APBB2: variants seen among roughly 807,000 people sequenced by gnomAD.
The protein encoded by APBB2 is amyloid beta precursor protein binding family B member 2, also known as Fe65-like 1.
In APBB2, 38 loss-of-function variants were observed where a neutral mutation model predicts 82.5. That is an observed-to-expected ratio of 0.46 (90% CI 0.36 to 0.60). The LOEUF (loss-of-function observed/expected upper bound fraction) is 0.60. Among genes scored for constraint, APBB2 ranks in the 20% least tolerant of loss-of-function variants. The pLI, the probability that APBB2 is intolerant of heterozygous loss-of-function variation, is 0.00. For missense variants in APBB2, 772 were observed against 972.3 expected, an observed-to-expected ratio of 0.79 and a Z score of 2.74; for synonymous variants, 341 against 368.2, an observed-to-expected ratio of 0.93 and a Z score of 0.85.
rs1036819821 is a variant in APBB2, at chr4:40,899,385, T to A, written c.1255-5974A>T. On this transcript the variant is annotated intron_variant, in intron 10 of 17. Coordinates refer to ENST00000508593, the MANE Select transcript of APBB2 (RefSeq NM_004307.2). ...GTGGAATTGAGTCATCCTATCTTAG[T>A]TGGAACACTCATCTTGTGTGCAGCT... 2.0e-5 allele frequency among the ~76,000 whole-genome samples: 3 copies of A among 152,310 alleles called. No individual in the cohort carries two copies. In the East Asian group the frequency reaches 5.8e-4, roughly 29 times the overall value.
chr4:40,986,473 GGA>G (rs1458839826), intron 6 of APBB2, among the ~76,000 whole-genome samples: 1 of 152,180 alleles, frequency 6.6e-6, no homozygotes, highest in Non-Finnish European at 1.5e-5. Flanking sequence ...ATTTTGTGTG[GGA>G]GAGTACACAT....
chr4:41,102,320 T>A (rs1045442352), intron 2 of APBB2, among the ~76,000 whole-genome samples: 2 of 152,220 alleles, frequency 1.3e-5, no homozygotes, highest in Non-Finnish European at 2.9e-5. Context: ...ATTTATATAC[T>A]GTTAACTCTT....
At chr4:41,125,990 A>G (rs905361693) in intron 2 of APBB2, among the ~76,000 whole-genome samples, 1 of 152,194 alleles carries the variant, frequency 6.6e-6, no homozygotes, top group African/African-American at 2.4e-5. Flanking sequence ...CCAATCACAG[A>G]AAGTTGTAAG....
chr4:41,084,284 C>G (rs1459541016), intron 3 of APBB2, among the ~76,000 whole-genome samples: 1 of 152,132 alleles, frequency 6.6e-6, no homozygotes, highest in Non-Finnish European at 1.5e-5. Flanking sequence ...ATTAACCAGG[C>G]ATGGTGGCAC....
At chr4:41,141,734 C>G (rs896996172) in intron 2 of APBB2, among the ~76,000 whole-genome samples, 16 of 152,220 alleles carry the variant, frequency 1.1e-4, no homozygotes, top group Admixed American at 9.2e-4. Flanking sequence ...AGGAGCTAGT[C>G]ATGTCTTGCA....
At chr4:41,109,632 G>A (rs1159335408) in intron 2 of APBB2, among the ~76,000 whole-genome samples, 2 of 152,054 alleles carry the variant, frequency 1.3e-5, no homozygotes, top group African/African-American at 2.4e-5. Flanking sequence ...CACTACACTG[G>A]GCTAATTTTT....
At chr4:40,869,545 G>T (rs571538979) in intron 12 of APBB2, among the ~76,000 whole-genome samples, 14 of 151,918 alleles carry the variant, frequency 9.2e-5, no homozygotes, top group Non-Finnish European at 1.6e-4. Flanking sequence ...CTATGATCCT[G>T]CCACTGTACT....
chr4:40,823,571 G>A (rs1577691881), intron 16 of APBB2, 73 bp downstream of exon 16: 1 of 1,074,972 alleles, frequency 9.3e-7, no homozygotes, highest in East Asian at 2.4e-5. Flanking sequence ...ATGTTCCTAA[G>A]TTCCACAGAA....
At chr4:40,896,723 T>C (rs1206346336) in intron 10 of APBB2, among the ~76,000 whole-genome samples, 1 of 152,228 alleles carries the variant, frequency 6.6e-6, no homozygotes, top group African/African-American at 2.4e-5. Context: ...CCTGTCATTC[T>C]GGCAAAATTA....
chr4:41,171,344 G>A (rs115938343), intron 1 of APBB2, among the ~76,000 whole-genome samples: 137 of 152,078 alleles, frequency 9.0e-4, no homozygotes, highest in African/African-American at 3.2e-3. Context: ...TCTGCAGCCT[G>A]GAACACCTGT....
At chr4:40,830,240 C>T (rs971654189) in intron 13 of APBB2, among the ~76,000 whole-genome samples, 5 of 151,600 alleles carry the variant, frequency 3.3e-5, no homozygotes, top group African/African-American at 7.3e-5. Context: ...TTCCAGGCGG[C>T]GGGAGGGACT....
chr4:40,965,209 C>T (rs79120581), intron 6 of APBB2, among the ~76,000 whole-genome samples: 7,898 of 151,950 alleles, frequency 0.052, 670 homozygotes, highest in African/African-American at 0.18. Context: ...ACAAGTAAGT[C>T]CATTAAATAA....
At chr4:41,088,636 G>A (rs1740673000) in intron 3 of APBB2, among the ~76,000 whole-genome samples, 1 of 152,228 alleles carries the variant, frequency 6.6e-6, no homozygotes, top group South Asian at 2.1e-4. Context: ...TCTATATCTA[G>A]CTGTGCTGAC....
intron 3 of APBB2, among the ~76,000 whole-genome samples, chr4:41,090,836 A>G (rs1741433250): frequency 1.3e-5 from 2 of 152,190 alleles, no homozygotes; most frequent in Admixed American, 6.5e-5. Context: ...AATAAAGACC[A>G]CAGTGGGGAA....
chr4:41,017,133 G>A (rs1810209685), intron 5 of APBB2, among the ~76,000 whole-genome samples: 1 of 152,182 alleles, frequency 6.6e-6, no homozygotes, highest in South Asian at 2.1e-4. Flanking sequence ...CTGGGTTCAA[G>A]TAATCCTCCT....
intron 6 of APBB2, among the ~76,000 whole-genome samples, chr4:40,965,678 T>C (rs1274133632): frequency 1.3e-5 from 2 of 152,244 alleles, no homozygotes; most frequent in Admixed American, 1.3e-4. Flanking sequence ...CTTATTTGAA[T>C]GTGGCTATTA....
chr4:41,093,564 G>T (rs57155376), intron 3 of APBB2, among the ~76,000 whole-genome samples: 1 of 151,848 alleles, frequency 6.6e-6, no homozygotes, highest in Non-Finnish European at 1.5e-5. Context: ...TAAAAAGTTC[G>T]TAAGAAGGGC....
chr4:41,173,668 C>T (rs1768957410), intron 1 of APBB2, among the ~76,000 whole-genome samples: 1 of 152,178 alleles, frequency 6.6e-6, no homozygotes, highest in Non-Finnish European at 1.5e-5. Context: ...TACACAAATA[C>T]TTACCATTGT....
At chr4:41,082,465 AAC>A (rs1737991938) in intron 3 of APBB2, among the ~76,000 whole-genome samples, 1 of 152,218 alleles carries the variant, frequency 6.6e-6, no homozygotes, top group African/African-American at 2.4e-5. Flanking sequence ...AGAATGAATG[AAC>A]AGTGTTATAA....
Sources: gnomAD v4.1 joint callset for allele counts (sites outside exome capture counted in the v4.1 genomes callset) on GRCh38, gnomAD v4.1.1 for gene constraint, MANE v1.5 for transcripts, NCBI Gene and HGNC (gene_info 2026-07-23, HGNC 2026-07-21) for gene names.